FLT3: variants seen among roughly 807,000 people sequenced by gnomAD.
FLT3 encodes receptor-type tyrosine-protein kinase FLT3.
A neutral mutation model predicts 126.6 loss-of-function variants in FLT3; 46 were observed. The observed-to-expected ratio is 0.36, with a 90% CI of 0.29 to 0.46. FLT3 has a LOEUF of 0.46. Ranked by LOEUF, FLT3 falls within the 20% of genes least tolerant of loss-of-function variation. FLT3 has a pLI of 1.00. For synonymous variants in FLT3, 404 were observed against 434.4 expected (o/e 0.93, Z 0.87); for missense variants, 1,069 against 1,190.3 (o/e 0.90, Z 1.50).
chr13:28,007,898 C>G (rs1454224381), intron 23 of FLT3, among the ~76,000 whole-genome samples: 1 of 152,168 alleles, frequency 6.6e-6, no homozygotes, highest in African/African-American at 2.4e-5. Flanking sequence ...TCCTGATCAT[C>G]GCTATTATTT....
intron 5 of FLT3, among the ~76,000 whole-genome samples, chr13:28,051,545 C>CTTACTTATAAGATAATTCTACTTTAAAAT (rs1491569306): frequency 2.1e-5 from 3 of 140,896 alleles, no homozygotes; most frequent in Admixed American, 7.1e-5. Context: ...CCTATAATTT[C>CTTACTTATAAGATAATTCTACTTTAAAAT]CCTTTTTTTT....
chr13:28,090,288 A>T (rs1593307033), intron 1 of FLT3, among the ~76,000 whole-genome samples: 1 of 150,886 alleles, frequency 6.6e-6, no homozygotes, highest in Admixed American at 6.6e-5. Context: ...CGCCTGCCTC[A>T]GCCTCCCAAA....
intron 23 of FLT3, among the ~76,000 whole-genome samples, chr13:28,011,085 G>A (rs1393314189): frequency 6.6e-6 from 1 of 151,942 alleles, no homozygotes; most frequent in East Asian, 1.9e-4. Context: ...GCTGAGGTGG[G>A]CGGATCATGA....
intron 23 of FLT3, among the ~76,000 whole-genome samples, chr13:28,011,701 TTC>T (rs1278067317): frequency 2.4e-5 from 2 of 84,604 alleles, no homozygotes; most frequent in African/African-American, 3.7e-5. Flanking sequence ...CTTCCTTTCT[TTC>T]TCTTTTTCTC....
At chr13:28,068,614 G>A (rs1877238598) in intron 2 of FLT3, among the ~76,000 whole-genome samples, 1 of 152,176 alleles carries the variant, frequency 6.6e-6, no homozygotes, top group South Asian at 2.1e-4. Context: ...AAGGCAGGCT[G>A]GAGGGCAGTG....
chr13:28,078,655 C>A (rs1259919208), intron 1 of FLT3, among the ~76,000 whole-genome samples: 1 of 151,980 alleles, frequency 6.6e-6, no homozygotes, highest in Admixed American at 6.6e-5. Flanking sequence ...AGGCTCCTTG[C>A]AACTTATGCA....
chr13:28,070,889 T>C (rs1257669759), intron 1 of FLT3, among the ~76,000 whole-genome samples: 1 of 152,040 alleles, frequency 6.6e-6, no homozygotes, highest in Non-Finnish European at 1.5e-5. Flanking sequence ...ATGTGGCTCT[T>C]AAGCTTTTGA....
intron 18 of FLT3, among the ~76,000 whole-genome samples, chr13:28,024,422 G>A (rs879579590): frequency 4.6e-5 from 7 of 152,102 alleles, no homozygotes; most frequent in Non-Finnish European, 8.8e-5. Flanking sequence ...GAGCCACCAC[G>A]GCCAGCCCCT....
intron 1 of FLT3, among the ~76,000 whole-genome samples, chr13:28,090,524 T>A (rs1448713749): frequency 2.0e-5 from 3 of 152,072 alleles, no homozygotes; most frequent in Non-Finnish European, 2.9e-5. Flanking sequence ...ACACTTATAA[T>A]CCCAGTACTT....
rs184373312 is a variant in FLT3, at chr13:28,016,451, C to T, written c.2542-750G>A. The stretch of plus-strand genomic sequence containing the variant: ...ATGCCCAGCTAATTTTTGTATTTTT[C>T]GTAGAGACGGGATTTCACCATGTTG... On this transcript the variant is annotated intron_variant, in intron 20 of 23. Coordinates refer to ENST00000241453, the MANE Select transcript of FLT3 (RefSeq NM_004119.3). Among the ~76,000 whole-genome samples the T allele has an allele frequency of 1.9e-3, 294 of 151,790 alleles. 1 individual carries two copies. The highest frequency in any genetic ancestry group is 6.8e-3 in the African/African-American group (282 of 41,404).
chr13:28,083,397 T>C (rs1278611925), intron 1 of FLT3, among the ~76,000 whole-genome samples: 1 of 152,234 alleles, frequency 6.6e-6, no homozygotes, highest in African/African-American at 2.4e-5. Flanking sequence ...TTCAATTTGT[T>C]AAAATATTAC....
intron 2 of FLT3, among the ~76,000 whole-genome samples, chr13:28,066,250 T>C (rs935094717): frequency 4.6e-5 from 7 of 152,192 alleles, no homozygotes; most frequent in African/African-American, 1.2e-4. Context: ...GGGTATGGGT[T>C]AGTAATTCTA....
At chr13:28,094,396 T>G (rs1879317246) in intron 1 of FLT3, among the ~76,000 whole-genome samples, 1 of 152,164 alleles carries the variant, frequency 6.6e-6, no homozygotes, top group Non-Finnish European at 1.5e-5. Flanking sequence ...AAATGTATAT[T>G]TTTTTACTGT....
At chr13:28,058,215 A>AAAG (rs1431490254) in intron 3 of FLT3, among the ~76,000 whole-genome samples, 1 of 93,212 alleles carries the variant, frequency 1.1e-5, no homozygotes, top group African/African-American at 3.5e-5. Context: ...ATTAAAAAAA[A>AAAG]AAAACAAAAA....
At chr13:28,033,725 T>C (rs756521798) in intron 15 of FLT3, among the ~76,000 whole-genome samples, 162 bp downstream of exon 15, 2 of 152,214 alleles carry the variant, frequency 1.3e-5, no homozygotes, top group Non-Finnish European at 2.9e-5. Context: ...ACTTGAATTT[T>C]GTATTCATGA....
intron 19 of FLT3, among the ~76,000 whole-genome samples, chr13:28,019,029 G>C (rs534709700): frequency 6.7e-6 from 1 of 150,136 alleles, no homozygotes; most frequent in South Asian, 2.1e-4. Flanking sequence ...GTGCAATGGC[G>C]TGATCTCGGC....
At chr13:28,059,012 C>T (rs1304525614) in intron 3 of FLT3, among the ~76,000 whole-genome samples, 1 of 152,036 alleles carries the variant, frequency 6.6e-6, no homozygotes, top group Non-Finnish European at 1.5e-5. Flanking sequence ...CTGTGGCTCA[C>T]GCCTGTAATC....
intron 4 of FLT3, among the ~76,000 whole-genome samples, chr13:28,056,186 G>A (rs567988930): frequency 1.3e-5 from 2 of 152,122 alleles, no homozygotes; most frequent in Non-Finnish European, 2.9e-5. Context: ...AGGGCAGTGT[G>A]GTGCAGAAAG....
At chr13:28,010,216 T>C (rs1274854982) in intron 23 of FLT3, among the ~76,000 whole-genome samples, 2 of 152,204 alleles carry the variant, frequency 1.3e-5, no homozygotes, top group Non-Finnish European at 2.9e-5. Flanking sequence ...GGTCTCCAAC[T>C]TGCTTTCATG....
Sources: allele counts gnomAD v4.1 joint callset (sites outside exome capture counted in the v4.1 genomes callset), GRCh38; gene constraint gnomAD v4.1.1; transcripts MANE v1.5; gene names NCBI Gene and HGNC (gene_info 2026-07-23, HGNC 2026-07-21).